The following EXOSC4 variants were observed in gnomAD, a reference collection of about 807,000 sequenced individuals.
The protein encoded by EXOSC4 is exosome component 4, also known as exosome complex component RRP41.
Under a neutral mutation model 20.0 loss-of-function variants are expected in EXOSC4, and 14 were observed. That is an observed-to-expected ratio of 0.70 (90% CI 0.46 to 1.09). EXOSC4 has a LOEUF of 1.09. EXOSC4 is among the 50% of genes least tolerant of loss of function. The probability of loss-of-function intolerance (pLI) is 0.00; values close to 1 mark genes in which losing one functional copy is unlikely to be tolerated. For synonymous variants in EXOSC4, 148 were observed against 146.4 expected, an observed-to-expected ratio of 1.01 and a Z score of -0.08; for missense variants, 337 against 334.0, an observed-to-expected ratio of 1.01 and a Z score of -0.07.
At chr8:144,066,444 T>G in the EXOSC4 span, among the ~76,000 whole-genome samples, 1 of 135,448 alleles carries the variant, frequency 7.4e-6, no homozygotes, top group African/African-American at 2.7e-5. Context: ...CTCTTTTTTT[T>G]TTTTTTTTTT....
the EXOSC4 span, among the ~76,000 whole-genome samples, chr8:144,065,697 T>C: frequency 5.9e-5 from 9 of 152,282 alleles, no homozygotes; most frequent in East Asian, 1.7e-3. Flanking sequence ...ATCGTGCCAC[T>C]GCACTCCAGC....
chr8:144,079,806 CAG>C (rs781984938), intron 1 of EXOSC4, 135 bp from the exon 2 acceptor site: 3 of 869,766 alleles, frequency 3.4e-6, no homozygotes, highest in Admixed American at 1.7e-5. Context: ...GAGCGCAAAA[CAG>C]GGGGCTTTGT....
chr8:144,078,777 C>A lies in EXOSC4; in HGVS notation c.49C>A (p.Arg17=). 1 of 1,540,322 alleles carries A rather than the reference C, an allele frequency of 6.5e-7. No homozygotes were observed. Among genetic ancestry groups the A allele is most frequent in the Non-Finnish European group, 8.7e-7 (1 of 1,146,202 alleles). ...GGACCAGGGCTACCGGGTGGACGGG[C>A]GGCGCGCCGGGGAGCTGCGCAAGAT... ...LSDQGYRVDG[R]RAGELRKIQA... Residue 17 remains arginine (R), a synonymous_variant, in exon 1 of 3, where the codon CGG becomes AGG. Transcript: ENST00000316052. This position sits in a 1 kb window ranked among gnomAD's most constrained non-coding sequence, Gnocchi z 4.7.
chr8:144,075,312 C>T (rs1196849028), upstream of EXOSC4, among the ~76,000 whole-genome samples: 3 of 151,976 alleles, frequency 2.0e-5, no homozygotes, highest in East Asian at 1.9e-4. Context: ...CTGCAACCTC[C>T]GCCTCCTGGG....
At chr8:144,067,221 C>T in the EXOSC4 span, among the ~76,000 whole-genome samples, 12,775 of 152,284 alleles carry the variant, frequency 0.084, 605 homozygotes, top group African/African-American at 0.13. Flanking sequence ...CTGTACATGC[C>T]GTGCATAATC....
intron 1 of EXOSC4, chr8:144,079,593 T>C (rs1835874786): frequency 2.5e-6 from 1 of 400,970 alleles, no homozygotes; most frequent in Non-Finnish European, 4.8e-6. Context: ...GGTGAGGACT[T>C]AGGGTTTTGT....
upstream of EXOSC4, among the ~76,000 whole-genome samples, chr8:144,074,361 G>C (rs770223325): frequency 2.0e-5 from 3 of 152,014 alleles, no homozygotes; most frequent in Non-Finnish European, 4.4e-5. Context: ...GGCTTAGCGG[G>C]AACAGTCACT....
chr8:144,066,276 C>T, the EXOSC4 span, among the ~76,000 whole-genome samples: 3 of 151,832 alleles, frequency 2.0e-5, no homozygotes, highest in Admixed American at 2.0e-4. Context: ...GCCTTGGCCT[C>T]CCAAAATGCT....
the EXOSC4 span, among the ~76,000 whole-genome samples, chr8:144,070,562 C>T: frequency 1.3e-5 from 2 of 148,394 alleles, no homozygotes; most frequent in African/African-American, 5.0e-5. Context: ...CGTGGTGGCT[C>T]ATGCCTATAA....
At chr8:144,077,276 A>G (rs1281773337), upstream of EXOSC4, among the ~76,000 whole-genome samples, 1 of 152,152 alleles carries the variant, frequency 6.6e-6, no homozygotes, top group African/African-American at 2.4e-5. Context: ...AACAAACGAA[A>G]AAAACGATGA....
chr8:144,080,084 CAG>C lies in EXOSC4; in HGVS notation c.315_316del (p.Gln105HisfsTer17). ...KSCEMGLQLR[Q>X]TFEAAILTQL... The stretch of plus-strand genomic sequence containing the variant: ...CTGTGAGATGGGCCTGCAGCTCCGC[CAG>C]ACTTTCGAAGCAGCCATCCTCACAC... On this transcript the variant is annotated frameshift_variant, in exon 2 of 3. Coordinates refer to ENST00000316052, the MANE Select transcript of EXOSC4 (RefSeq NM_019037.3). LOFTEE classifies it high-confidence loss of function. This position sits in a 1 kb window ranked among gnomAD's most constrained non-coding sequence, Gnocchi z 4.9. The C allele has an allele frequency of 8.7e-6, 14 of 1,614,084 alleles. No homozygotes were observed. The highest frequency in any genetic ancestry group is 9.3e-6 in the Non-Finnish European group (11 of 1,180,014).
the EXOSC4 span, among the ~76,000 whole-genome samples, chr8:144,072,237 G>A: frequency 1.1e-4 from 16 of 152,220 alleles, no homozygotes; most frequent in Non-Finnish European, 1.6e-4. Flanking sequence ...CTGGAGTGCA[G>A]TGGCACAATC....
rs199815113 is a variant in EXOSC4 at position 144,080,452 on chromosome 8, G to A, written c.589G>A (p.Ala197Thr). The change falls in exon 3 of 3, where the codon GCG (alanine) becomes ACG (threonine). Residue 197 changes from alanine (A) to threonine (T), a missense_variant. Physicochemically the swap from Ala to Thr is moderately conservative, Grantham distance 58 (BLOSUM62 0). Coordinates refer to ENST00000316052, the MANE Select transcript of EXOSC4 (RefSeq NM_019037.3). The surrounding 1 kb of genome is among the most constrained non-coding windows in gnomAD (Gnocchi z 4.9). ...CCTGCTGCCAGCCTCAGGACAGATT[G>A]CGCTGCTTGAGATGGATGCCCGGCT... ...LALLPASGQI[A>T]LLEMDARLHE... is the part of the protein sequence containing the mutation. The A allele has an allele frequency of 3.3e-5, 53 of 1,609,564 alleles. No homozygotes were observed. The highest frequency in any genetic ancestry group is 3.9e-5 in the Non-Finnish European group (46 of 1,179,998).
chr8:144,067,648 C>T, the EXOSC4 span, among the ~76,000 whole-genome samples: 4 of 152,148 alleles, frequency 2.6e-5, no homozygotes, highest in Admixed American at 1.3e-4. Context: ...AGCAAGAATC[C>T]GATATTTAGG....
At chr8:144,069,976 C>T in the EXOSC4 span, among the ~76,000 whole-genome samples, 1 of 152,218 alleles carries the variant, frequency 6.6e-6, no homozygotes. Context: ...TGCAGCAGTC[C>T]TTGAAACAAG....
At chr8:144,078,476 C>G, upstream of EXOSC4, 2 of 358,540 alleles carry the variant, frequency 5.6e-6, no homozygotes, top group Non-Finnish European at 9.9e-6. This position sits in a 1 kb window ranked among gnomAD's most constrained non-coding sequence, Gnocchi z 4.7. Context: ...AGAGCCGGAC[C>G]GCCGGAAACC....
At chr8:144,077,264 GAAAC>G (rs1485813915), upstream of EXOSC4, among the ~76,000 whole-genome samples, 1 of 152,012 alleles carries the variant, frequency 6.6e-6, no homozygotes, top group Non-Finnish European at 1.5e-5. Flanking sequence ...ACAAAACAAA[GAAAC>G]AAACGAAAAA....
At chr8:144,078,453 C>G (rs1324974388), upstream of EXOSC4, 3 of 317,430 alleles carry the variant, frequency 9.5e-6, no homozygotes, top group African/African-American at 6.4e-5. The surrounding 1 kb of genome is among the most constrained non-coding windows in gnomAD (Gnocchi z 4.7). Flanking sequence ...CGCAGTTCCC[C>G]GGAGACAGAA....
chr8:144,067,649 G>A, the EXOSC4 span, among the ~76,000 whole-genome samples: 10 of 152,194 alleles, frequency 6.6e-5, no homozygotes, highest in South Asian at 2.1e-4. Context: ...GCAAGAATCC[G>A]ATATTTAGGA....
Sources: gnomAD v4.1 joint callset for allele counts (sites outside exome capture counted in the v4.1 genomes callset) on GRCh38, gnomAD v4.1.1 for gene constraint, Gnocchi (gnomAD v3.1) non-coding constraint, MANE v1.5 for transcripts, NCBI Gene and HGNC (gene_info 2026-07-23, HGNC 2026-07-21) for gene names.